SACM1L: variants seen among roughly 807,000 people sequenced by gnomAD.
The protein encoded by SACM1L is phosphatidylinositol-3-phosphatase SAC1.
SACM1L carries 32 observed loss-of-function variants against 89.5 expected under a neutral mutation model. That is an observed-to-expected ratio of 0.36 (90% CI 0.27 to 0.48). The LOEUF (loss-of-function observed/expected upper bound fraction) is 0.48, where lower values mean the gene tolerates loss of function less well. SACM1L is among the 20% of genes least tolerant of loss of function. SACM1L has a pLI of 0.99. For missense variants in SACM1L, 543 were observed against 708.5 expected (o/e 0.77, Z 2.65); for synonymous variants, 213 against 232.8 (o/e 0.92, Z 0.77).
At chr3:45,711,336 C>G (rs998476978) in intron 5 of SACM1L, among the ~76,000 whole-genome samples, 2 of 152,006 alleles carry the variant, frequency 1.3e-5, no homozygotes, top group African/African-American at 4.8e-5. Flanking sequence ...GTCAGCTAAA[C>G]AGAAAGTTAG....
At chr3:45,710,689 G>A (rs1244721566) in intron 5 of SACM1L, among the ~76,000 whole-genome samples, 1 of 151,968 alleles carries the variant, frequency 6.6e-6, no homozygotes, top group African/African-American at 2.4e-5. Flanking sequence ...TATTAGGTTG[G>A]ACAATGTGAA....
At chr3:45,743,039 A>G (rs1460770205) in intron 19 of SACM1L, 2 of 152,330 alleles carry the variant, frequency 1.3e-5, no homozygotes, top group African/African-American at 2.4e-5. Flanking sequence ...CAAAATATAC[A>G]TAACTTCAGA....
At chr3:45,714,104 T>C (rs913475536) in intron 7 of SACM1L, 25 bp downstream of exon 7, 6 of 1,465,646 alleles carry the variant, frequency 4.1e-6, no homozygotes, top group East Asian at 4.8e-5. Context: ...TATTACTCTT[T>C]AGTTTCTAGA....
chr3:45,710,444 C>T (rs1698499736), intron 5 of SACM1L, among the ~76,000 whole-genome samples: 1 of 150,528 alleles, frequency 6.6e-6, no homozygotes, highest in Non-Finnish European at 1.5e-5. Flanking sequence ...CCACCCACCT[C>T]ATCCTCCCAA....
chr3:45,694,101 A>G (rs1037288109), intron 1 of SACM1L, among the ~76,000 whole-genome samples: 1 of 152,222 alleles, frequency 6.6e-6, no homozygotes. Context: ...TCAAGCTCAT[A>G]ATAACTTTCT....
rs937139968 is a variant in SACM1L at position 45,709,498 on chromosome 3, T to G, written c.334T>G (p.Leu112Val). The change falls in exon 5 of 20, where the codon TTA (leucine) becomes GTA (valine). Residue 112 changes from leucine to valine, a missense_variant and splice_region_variant. Physicochemically the swap from Leu to Val is conservative, Grantham distance 32. This residue lies in a region of SACM1L where 173 missense variants were observed against 180.9 expected (regional missense o/e 0.96). Transcript: ENST00000389061. ...KTMLHLTDIQ[L>V]QDNKTFLAML... is the part of the protein sequence containing the mutation. ...TATACTGATTTTTCTTTGTTTATAG[T>G]TACAAGATAATAAAACCTTCCTAGC... 8 of 1,604,036 alleles carry G rather than the reference T, an allele frequency of 5.0e-6. No individual in the cohort carries two copies. Among genetic ancestry groups the G allele is most frequent in the Non-Finnish European group, 6.0e-6 (7 of 1,176,228 alleles).
chr3:45,725,461 G>A (rs187403567), intron 11 of SACM1L, among the ~76,000 whole-genome samples: 171 of 152,004 alleles, frequency 1.1e-3, no homozygotes, highest in East Asian at 3.9e-4. Context: ...TTTGTTTTTC[G>A]TTAGTGTAAA....
At chr3:45,741,266 C>T (rs1418526746) in intron 19 of SACM1L, among the ~76,000 whole-genome samples, 1 of 152,198 alleles carries the variant, frequency 6.6e-6, no homozygotes, top group Non-Finnish European at 1.5e-5. Context: ...AAGTCTTCAC[C>T]TTCTGTCTGG....
At chr3:45,718,349 C>A (rs1485339341) in intron 7 of SACM1L, among the ~76,000 whole-genome samples, 3 of 148,628 alleles carry the variant, frequency 2.0e-5, no homozygotes, top group Non-Finnish European at 4.4e-5. Context: ...TGTTTAGTGG[C>A]AAAACTAGAA....
chr3:45,729,899 C>T (rs1173483425), intron 11 of SACM1L, among the ~76,000 whole-genome samples: 1 of 151,850 alleles, frequency 6.6e-6, no homozygotes, highest in Non-Finnish European at 1.5e-5. Flanking sequence ...TCCTGGAATT[C>T]CCATAGTGCT....
chr3:45,735,789 T>G lies in SACM1L; in HGVS notation c.1239+416T>G, dbSNP rs185372352. 2.0e-4 allele frequency among the ~76,000 whole-genome samples: 31 copies of G among 152,374 alleles called. 1 individual carries two copies. Among genetic ancestry groups the G allele is most frequent in the African/African-American group, 5.3e-4 (22 of 41,586 alleles). On this transcript the variant is annotated intron_variant, in intron 14 of 19. Transcript: ENST00000389061. ...AATATATTATTTTCCAAGAGCGTCA[T>G]ACCAGTTTACACTGACACCAATAAT...
chr3:45,699,301 A>T (rs1290150940), intron 1 of SACM1L, among the ~76,000 whole-genome samples: 1 of 151,398 alleles, frequency 6.6e-6, no homozygotes, highest in Non-Finnish European at 1.5e-5. Context: ...ATAAATAAAT[A>T]AAAAAATAAT....
rs376868625 is a variant in SACM1L, at chr3:45,705,785, TGAGCCACC to T, written c.205+577_205+584del. 2.0e-4 allele frequency among the ~76,000 whole-genome samples: 30 copies of T among 152,270 alleles called. 1 individual carries two copies. The East Asian group carries it at 5.6e-3, about 28-fold the overall frequency. On this transcript the variant is annotated intron_variant, in intron 3 of 19. Transcript: ENST00000389061. ...TCCCAAAGTGCTGGGATTACAGGCATGAGCCACCACGCCCATCCTGTAAATAAAATTTT... is the reference window on the plus strand; with the variant it reads ...TCCCAAAGTGCTGGGATTACAGGCATACGCCCATCCTGTAAATAAAATTTT...
intron 7 of SACM1L, 141 bp downstream of exon 7, chr3:45,714,220 A>G (rs1322490127): frequency 4.6e-6 from 2 of 435,876 alleles, no homozygotes; most frequent in Non-Finnish European, 7.8e-6. Context: ...TAAGAAAATC[A>G]AACTCATTGC....
rs1699368536 is a variant in SACM1L at position 45,743,769 on chromosome 3, T to G, written c.*100T>G. On this transcript the variant is annotated 3_prime_UTR_variant, in exon 20 of 20. Transcript: ENST00000389061. ...CCACATCAGCCCAAGGTCTTTTTAA[T>G]GCCTTTATCCAAAAGCACATCTTGT... is the stretch of plus-strand genomic sequence containing the variant. 15 of 1,293,812 alleles carry G rather than the reference T, an allele frequency of 1.2e-5. No homozygotes were observed. The highest frequency in any genetic ancestry group is 1.5e-5 in the Non-Finnish European group (14 of 945,040). 80.1% of individuals were successfully genotyped at this position (1,293,812 alleles called of 1,614,324 possible).
At chr3:45,711,907 C>G (rs1045531869) in intron 5 of SACM1L, among the ~76,000 whole-genome samples, 3 of 152,072 alleles carry the variant, frequency 2.0e-5, no homozygotes, top group Non-Finnish European at 4.4e-5. Flanking sequence ...TTTTTAGTTG[C>G]CACTCCCACT....
chr3:45,705,079 G>T (rs930871816), intron 2 of SACM1L, 56 bp from the exon 3 acceptor site: 5 of 1,144,612 alleles, frequency 4.4e-6, no homozygotes, highest in South Asian at 1.3e-5. Flanking sequence ...CTAAATTTCT[G>T]TTTCTGTTGG....
chr3:45,702,018 ATTG>A (rs1375779715), intron 1 of SACM1L, among the ~76,000 whole-genome samples: 1 of 152,210 alleles, frequency 6.6e-6, no homozygotes, highest in Admixed American at 6.5e-5. Context: ...AAAGGAATGA[ATTG>A]TTGTGTTCAG....
intron 1 of SACM1L, among the ~76,000 whole-genome samples, chr3:45,699,355 A>G (rs1164313106): frequency 6.6e-6 from 1 of 151,406 alleles, no homozygotes; most frequent in Non-Finnish European, 1.5e-5. Flanking sequence ...AAATGCTCAT[A>G]TTAGGCTGGG....
Sources: gnomAD v4.1 joint callset for allele counts (sites outside exome capture counted in the v4.1 genomes callset) on GRCh38, gnomAD v4.1.1 for gene constraint, gnomAD v4.1.1 regional missense constraint, MANE v1.5 for transcripts, NCBI Gene and HGNC (gene_info 2026-07-23, HGNC 2026-07-21) for gene names.